The following ARID1B variants were observed in gnomAD, a reference collection of about 807,000 sequenced individuals.
ARID1B encodes the protein AT-rich interaction domain 1B, also known as AT-rich interactive domain-containing protein 1B.
In ARID1B, 30 loss-of-function variants were observed where a neutral mutation model predicts 212.3. The ratio of observed to expected loss-of-function variants is 0.14; its 90% CI spans 0.11 to 0.19. The LOEUF is 0.19. ARID1B is among the 10% of genes least tolerant of loss of function. The pLI is 1.00. For missense variants in ARID1B, 2,891 were observed against 3,204.0 expected (o/e 0.90, Z 2.36); for synonymous variants, 1,402 against 1,301.7 (o/e 1.08, Z -1.66).
intron 5 of ARID1B, among the ~76,000 whole-genome samples, chr6:157,105,669 T>C (rs2128505337): frequency 6.6e-6 from 1 of 152,272 alleles, no homozygotes; most frequent in South Asian, 2.1e-4. Flanking sequence ...TGGTGCAATC[T>C]CGGCTCACTG....
Position 157,209,870 on chromosome 6 carries a change from A to G in ARID1B, c.*1979A>G. The G allele has an allele frequency of 4.3e-6, 1 of 233,192 alleles. No individual in the cohort carries two copies. Among genetic ancestry groups the G allele is most frequent in the South Asian group, 1.8e-4 (1 of 5,522 alleles). 14.4% of individuals were successfully genotyped at this position (233,192 alleles called of 1,614,324 possible). ...TAAACTTTCTCTTCCTGGGTCATTGACTGTTACTGTGTAATAATCGATTTC... is the reference window on the plus strand; with the variant it reads ...TAAACTTTCTCTTCCTGGGTCATTGGCTGTTACTGTGTAATAATCGATTTC... On this transcript the variant is annotated 3_prime_UTR_variant, in exon 20 of 20. Coordinates refer to ENST00000636930, the MANE Select transcript of ARID1B (RefSeq NM_001374828.1).
At chr6:156,855,703 G>T (rs935917540) in intron 2 of ARID1B, among the ~76,000 whole-genome samples, 2 of 152,172 alleles carry the variant, frequency 1.3e-5, no homozygotes, top group African/African-American at 4.8e-5. Flanking sequence ...CCTAAATTGT[G>T]TGTGTGTTTC....
intron 4 of ARID1B, among the ~76,000 whole-genome samples, chr6:157,083,301 G>A (rs1042203856): frequency 2.0e-5 from 3 of 152,210 alleles, no homozygotes; most frequent in Non-Finnish European, 2.9e-5. Flanking sequence ...ATAGTATGTA[G>A]TCTTCAGTTA....
At chr6:157,153,602 G>A (rs2128648135) in intron 8 of ARID1B, among the ~76,000 whole-genome samples, 1 of 152,274 alleles carries the variant, frequency 6.6e-6, no homozygotes, top group Non-Finnish European at 1.5e-5. Context: ...CATTACCTGA[G>A]CATAGGTGAG....
chr6:157,187,091 G>A (rs1174010127), intron 13 of ARID1B, among the ~76,000 whole-genome samples: 2 of 152,238 alleles, frequency 1.3e-5, no homozygotes, highest in Non-Finnish European at 2.9e-5. Flanking sequence ...AGGCCATGGG[G>A]TGTGGTTTGT....
At chr6:156,894,312 T>TGGGGGTGGGGGCCGGGGGG (rs1788214546) in intron 2 of ARID1B, among the ~76,000 whole-genome samples, 3 of 75,726 alleles carry the variant, frequency 4.0e-5, no homozygotes, top group Admixed American at 1.1e-4. Context: ...GGGCCGGGGG[T>TGGGGGTGGGGGCCGGGGGG]TGGGATGGGG....
chr6:157,004,897 C>CTTTTTTTTTTTTTTTTT (rs1177807875), intron 4 of ARID1B, among the ~76,000 whole-genome samples: 3 of 54,740 alleles, frequency 5.5e-5, no homozygotes, highest in African/African-American at 1.4e-4. Flanking sequence ...CTTCTTTTTT[C>CTTTTTTTTTTTTTTTTT]TTTTTTTTTT....
At chr6:156,909,056 T>C (rs1210059077) in intron 3 of ARID1B, among the ~76,000 whole-genome samples, 1 of 152,094 alleles carries the variant, frequency 6.6e-6, no homozygotes, top group African/African-American at 2.4e-5. Flanking sequence ...ATACATTTCT[T>C]CTCAAAATCA....
In ARID1B at chr6:156,778,517, G is replaced by A. The variant is rs1778858788; in HGVS notation, c.837G>A (p.Ala279=). 1.5e-5 allele frequency: 19 copies of A among 1,235,670 alleles called. No homozygotes were observed. The highest frequency in any genetic ancestry group is 1.7e-5 in the Non-Finnish European group (17 of 992,676). The allele number at this position is 1,235,670 out of a possible 1,614,324, so 76.5% of individuals were successfully genotyped here. A position where few individuals can be genotyped will look rare whatever the true frequency, so the allele number is the denominator to read the frequency against. The change falls in exon 1 of 20, where the codon GCG becomes GCA. Residue 279 remains alanine (A), a synonymous_variant. Transcript: ENST00000636930. ...CGCCGCCCAAGATGGGGGAGCCGGC[G>A]GGCGGCCGCTACGAGCACCCGGGCT... ...DDAPPKMGEP[A]GGRYEHPGLG...
intron 4 of ARID1B, chr6:157,023,308 T>G (rs1344976747): frequency 6.6e-6 from 1 of 152,278 alleles, no homozygotes; most frequent in Non-Finnish European, 1.5e-5. Flanking sequence ...TTTTAGATTT[T>G]GAGCTGCAAT....
chr6:156,830,398 CT>C (rs1305310441), intron 2 of ARID1B, among the ~76,000 whole-genome samples: 1 of 152,128 alleles, frequency 6.6e-6, no homozygotes, highest in Non-Finnish European at 1.5e-5. Flanking sequence ...GACCAGACAT[CT>C]TTCGTTGAGG....
chr6:157,019,719 T>C (rs1174624783), intron 4 of ARID1B, among the ~76,000 whole-genome samples: 1 of 152,184 alleles, frequency 6.6e-6, no homozygotes, highest in Non-Finnish European at 1.5e-5. Context: ...TCATCCACGC[T>C]CACTCAACTG....
chr6:157,098,908 T>A (rs1047798194), intron 5 of ARID1B, among the ~76,000 whole-genome samples: 36 of 152,244 alleles, frequency 2.4e-4, no homozygotes, highest in Non-Finnish European at 4.1e-4. Context: ...AGACTAAAAA[T>A]GTCTCATTTT....
intron 6 of ARID1B, among the ~76,000 whole-genome samples, chr6:157,121,459 T>C (rs2128550222): frequency 6.6e-6 from 1 of 152,308 alleles, no homozygotes; most frequent in East Asian, 1.9e-4. Flanking sequence ...GTATTCCTAC[T>C]ATACAAAAAT....
chr6:157,137,665 G>A (rs1281246430), intron 7 of ARID1B, among the ~76,000 whole-genome samples: 2 of 152,172 alleles, frequency 1.3e-5, no homozygotes, highest in East Asian at 3.9e-4. Context: ...AGTAAGTAGA[G>A]TTACCTTGGG....
intron 2 of ARID1B, among the ~76,000 whole-genome samples, chr6:156,894,797 C>T (rs1035699667): frequency 6.6e-6 from 1 of 152,178 alleles, no homozygotes; most frequent in Admixed American, 6.5e-5. Context: ...AATATCTGTT[C>T]CAGTGTTTTT....
intron 2 of ARID1B, among the ~76,000 whole-genome samples, chr6:156,861,012 A>G (rs1000691007): frequency 2.0e-5 from 3 of 152,224 alleles, no homozygotes; most frequent in Admixed American, 2.0e-4. Flanking sequence ...AGAGAACAAT[A>G]GCAGAGCCAC....
intron 4 of ARID1B, among the ~76,000 whole-genome samples, chr6:157,032,103 G>A (rs557825022): frequency 8.5e-5 from 13 of 152,308 alleles, no homozygotes; most frequent in African/African-American, 3.1e-4. Context: ...GGCCCAAAAT[G>A]AATATTTTTT....
chr6:157,054,859 A>C (rs1280734064), intron 4 of ARID1B, among the ~76,000 whole-genome samples: 6 of 152,232 alleles, frequency 3.9e-5, no homozygotes, highest in Non-Finnish European at 2.9e-5. Flanking sequence ...TCCATGGTTC[A>C]CCGCTGTCTC....
Sources: allele counts gnomAD v4.1 joint callset (sites outside exome capture counted in the v4.1 genomes callset), GRCh38; gene constraint gnomAD v4.1.1; transcripts MANE v1.5; gene names NCBI Gene and HGNC (gene_info 2026-07-23, HGNC 2026-07-21).